The following PTPRT variants were observed in gnomAD, a reference collection of about 807,000 sequenced individuals.
The protein encoded by PTPRT is receptor-type tyrosine-protein phosphatase T.
A neutral mutation model predicts 176.8 loss-of-function variants in PTPRT; 56 were observed. That is an observed-to-expected ratio of 0.32 (90% CI 0.26 to 0.40). The LOEUF is 0.40. PTPRT is among the 10% of genes least tolerant of loss of function. The probability of loss-of-function intolerance (pLI) is 1.00; values close to 1 mark genes in which losing one functional copy is unlikely to be tolerated. For missense variants in PTPRT, 1,540 were observed against 1,908.2 expected, an observed-to-expected ratio of 0.81 and a Z score of 3.60; for synonymous variants, 783 against 739.0, an observed-to-expected ratio of 1.06 and a Z score of -0.96.
intron 7 of PTPRT, among the ~76,000 whole-genome samples, chr20:42,483,876 T>A (rs1226214800): frequency 2.0e-5 from 3 of 152,254 alleles, no homozygotes; most frequent in Non-Finnish European, 4.4e-5. Flanking sequence ...TGCATGCTAG[T>A]ATCTGCCCAT....
At chr20:43,019,601 G>C (rs963229669) in intron 1 of PTPRT, among the ~76,000 whole-genome samples, 2 of 143,774 alleles carry the variant, frequency 1.4e-5, no homozygotes, top group African/African-American at 5.3e-5. Context: ...CCTGGCAACA[G>C]AGCGAGACAC....
intron 8 of PTPRT, among the ~76,000 whole-genome samples, chr20:42,455,714 T>C (rs554659142): frequency 1.3e-5 from 2 of 152,314 alleles, no homozygotes; most frequent in South Asian, 4.1e-4. Context: ...TTGATTTGCC[T>C]GATAATTTTA....
intron 13 of PTPRT, among the ~76,000 whole-genome samples, chr20:42,268,091 G>T (rs1354554272): frequency 6.6e-6 from 1 of 152,084 alleles, no homozygotes. Flanking sequence ...ATGAAAAGAG[G>T]CTCCTGTGCT....
chr20:42,310,273 G>A (rs1304386225), intron 12 of PTPRT, among the ~76,000 whole-genome samples: 1 of 152,120 alleles, frequency 6.6e-6, no homozygotes, highest in Non-Finnish European at 1.5e-5. Flanking sequence ...GAGCCTATCA[G>A]AGAAAAGGGT....
chr20:42,352,766 C>T (rs1313315002), intron 9 of PTPRT, among the ~76,000 whole-genome samples: 1 of 152,084 alleles, frequency 6.6e-6, no homozygotes, highest in Non-Finnish European at 1.5e-5. Context: ...AGGGGATGGA[C>T]ACCCCATCTA....
intron 17 of PTPRT, among the ~76,000 whole-genome samples, chr20:42,152,482 GC>G (rs1989179391): frequency 6.6e-6 from 1 of 152,212 alleles, no homozygotes; most frequent in African/African-American, 2.4e-5. Flanking sequence ...TTTGATCAAG[GC>G]AGAGAAGTTG....
intron 7 of PTPRT, among the ~76,000 whole-genome samples, chr20:42,565,075 C>T (rs2073016092): frequency 6.6e-6 from 1 of 152,054 alleles, no homozygotes; most frequent in South Asian, 2.1e-4. Flanking sequence ...TGTTCTGGCG[C>T]CCCGGGTCCT....
At chr20:42,347,928 G>A (rs1192319798) in intron 11 of PTPRT, among the ~76,000 whole-genome samples, 3 of 152,162 alleles carry the variant, frequency 2.0e-5, no homozygotes, top group Non-Finnish European at 2.9e-5. Flanking sequence ...TTTGCTTAAT[G>A]TCCCACCTCC....
intron 8 of PTPRT, among the ~76,000 whole-genome samples, chr20:42,459,222 G>A (rs919654777): frequency 1.6e-4 from 24 of 152,208 alleles, no homozygotes; most frequent in African/African-American, 5.5e-4. Flanking sequence ...TATATGTGAA[G>A]AGAATGATAA....
At chr20:42,654,271 G>A (rs1160377496) in intron 7 of PTPRT, among the ~76,000 whole-genome samples, 7 of 152,154 alleles carry the variant, frequency 4.6e-5, no homozygotes, top group African/African-American at 1.7e-4. Context: ...CTGGTAGAAA[G>A]GTCCAAGAAT....
chr20:42,472,368 G>C lies in PTPRT; in HGVS notation c.1348C>G (p.Arg450Gly). The C allele has an allele frequency of 6.2e-7, 1 of 1,614,202 alleles. No homozygotes were observed. The highest frequency in any genetic ancestry group is 8.5e-7 in the Non-Finnish European group (1 of 1,180,028). The change falls in exon 8 of 31, where the codon CGA becomes GGA. Residue 450 changes from arginine (R) to glycine (G), a missense_variant. Arg to Gly is a moderately radical substitution (Grantham distance 125). Around this residue, in one of 11 missense-constraint regions of PTPRT, gnomAD observed 79 missense variants for 80.0 expected, o/e 0.99. Coordinates refer to ENST00000373187, the MANE Select transcript of PTPRT (RefSeq NM_007050.6). Reference sequence around the variant, plus strand: ...ATGGTCATGAAGGGGCGCAGGCCTCGCAGGGTGTAGTGGGAGGAGGTCTGG... The same window carrying C: ...ATGGTCATGAAGGGGCGCAGGCCTCCCAGGGTGTAGTGGGAGGAGGTCTGG... ...VIQTSSHYTL[R>G]GLRPFMTIRL... is the part of the protein sequence containing the mutation.
At chr20:42,349,165 G>A (rs138151097) in intron 11 of PTPRT, among the ~76,000 whole-genome samples, 1 of 152,162 alleles carries the variant, frequency 6.6e-6, no homozygotes, top group Non-Finnish European at 1.5e-5. Context: ...CTAGCCTCCA[G>A]TGACACAAGG....
intron 4 of PTPRT, among the ~76,000 whole-genome samples, chr20:42,776,772 T>C (rs914934527): frequency 6.8e-6 from 1 of 148,098 alleles, no homozygotes; most frequent in Non-Finnish European, 1.5e-5. Context: ...ATATATGATA[T>C]ATAAATGTAA....
At chr20:42,188,562 G>A (rs749694659) in intron 16 of PTPRT, among the ~76,000 whole-genome samples, 9 of 152,198 alleles carry the variant, frequency 5.9e-5, no homozygotes, top group Middle Eastern at 3.4e-3. Context: ...CTCACAAAAT[G>A]TTAGCTAGTA....
chr20:43,074,244 C>T lies in PTPRT; in HGVS notation c.88+115402G>A, dbSNP rs557209520. On this transcript the variant is annotated intron_variant, in intron 1 of 30. Coordinates refer to ENST00000373187, the MANE Select transcript of PTPRT (RefSeq NM_007050.6). The stretch of plus-strand genomic sequence containing the variant: ...AACCAATTCTTTTAATAAAATCTGC[C>T]GACACACACTTATTACTTGATGTCA... 5.3e-5 allele frequency among the ~76,000 whole-genome samples: 8 copies of T among 152,146 alleles called. No individual in the cohort carries two copies. In the South Asian group the frequency reaches 1.2e-3, roughly 24 times the overall value.
chr20:42,855,235 T>G (rs2078540402), intron 2 of PTPRT, among the ~76,000 whole-genome samples: 1 of 152,276 alleles, frequency 6.6e-6, no homozygotes, highest in East Asian at 1.9e-4. Context: ...ATGCCAGGTA[T>G]TCCAGAAAAT....
the PTPRT span, among the ~76,000 whole-genome samples, chr20:42,066,335 C>T: frequency 1.5e-3 from 233 of 152,228 alleles, no homozygotes; most frequent in African/African-American, 5.2e-3. Flanking sequence ...AGCCACTGCG[C>T]CTGGCTGGTA....
intron 9 of PTPRT, among the ~76,000 whole-genome samples, chr20:42,406,615 T>A (rs1308677148): frequency 1.3e-5 from 2 of 152,136 alleles, no homozygotes; most frequent in Non-Finnish European, 2.9e-5. Flanking sequence ...TCTCAGTCCA[T>A]ATAAAAATAA....
intron 1 of PTPRT, among the ~76,000 whole-genome samples, chr20:42,992,675 A>G (rs1377531316): frequency 6.6e-6 from 1 of 152,240 alleles, no homozygotes; most frequent in African/African-American, 2.4e-5. Flanking sequence ...GCTGCATAAC[A>G]GGTCACTCCC....
Sources: allele counts gnomAD v4.1 joint callset (sites outside exome capture counted in the v4.1 genomes callset), GRCh38; gene constraint gnomAD v4.1.1; regional missense constraint gnomAD v4.1.1; transcripts MANE v1.5; gene names NCBI Gene and HGNC (gene_info 2026-07-23, HGNC 2026-07-21).